The following KCNIP1 variants were observed in gnomAD, a reference collection of about 807,000 sequenced individuals.
The protein encoded by KCNIP1 is A-type potassium channel modulatory protein KCNIP1.
In KCNIP1, 18 loss-of-function variants were observed where a neutral mutation model predicts 33.0. The observed-to-expected ratio is 0.55, with a 90% confidence interval of 0.38 to 0.81. The LOEUF is 0.81. Ranked by LOEUF, KCNIP1 falls within the 30% of genes least tolerant of loss-of-function variation. The pLI is 0.00. For missense variants in KCNIP1, 238 were observed against 271.6 expected (o/e 0.88, Z 0.87); for synonymous variants, 93 against 98.3 (o/e 0.95, Z 0.32).
chr5:170,618,508 G>GAGGAAGGA (rs377073410), intron 1 of KCNIP1, among the ~76,000 whole-genome samples: 2 of 95,788 alleles, frequency 2.1e-5, no homozygotes, highest in African/African-American at 4.6e-5. Flanking sequence ...GGGAGGAAAG[G>GAGGAAGGA]AGGAAGGAAG....
chr5:170,407,139 C>T (rs1755057271), intron 1 of KCNIP1, among the ~76,000 whole-genome samples: 2 of 152,194 alleles, frequency 1.3e-5, no homozygotes, highest in Non-Finnish European at 2.9e-5. Context: ...GGGCAGCAGC[C>T]CTTGCCTGTC....
chr5:170,430,972 C>G (rs2113446270), intron 1 of KCNIP1, among the ~76,000 whole-genome samples: 1 of 152,288 alleles, frequency 6.6e-6, no homozygotes, highest in East Asian at 1.9e-4. Context: ...GGATCTGGTC[C>G]CACTCGTAGG....
chr5:170,474,527 G>A (rs1209195099), intron 1 of KCNIP1, among the ~76,000 whole-genome samples: 1 of 152,224 alleles, frequency 6.6e-6, no homozygotes, highest in East Asian at 1.9e-4. Context: ...ATTGGTCTAT[G>A]AGAGAAGTCA....
chr5:170,718,947 T>C (rs1274564901), intron 2 of KCNIP1, 65 bp downstream of exon 2: 2 of 1,564,176 alleles, frequency 1.3e-6, no homozygotes, highest in Non-Finnish European at 1.7e-6. Context: ...CTCTCCCCAA[T>C]GCCAAGGGAG....
At chr5:170,367,429 AGAAAGAAAG>A (rs1245413900) in intron 1 of KCNIP1, among the ~76,000 whole-genome samples, 15 of 145,254 alleles carry the variant, frequency 1.0e-4, no homozygotes, top group East Asian at 2.0e-4. Context: ...AAGGAAAGAA[AGAAAGAAAG>A]GAAAGAAAGG....
intron 1 of KCNIP1, among the ~76,000 whole-genome samples, chr5:170,497,834 C>T (rs1303462205): frequency 1.3e-5 from 2 of 152,224 alleles, no homozygotes; most frequent in Non-Finnish European, 2.9e-5. Context: ...CGCCAGTGTC[C>T]CAGCTGCGTG....
At chr5:170,549,124 A>G (rs576504540) in intron 1 of KCNIP1, among the ~76,000 whole-genome samples, 1 of 152,114 alleles carries the variant, frequency 6.6e-6, no homozygotes, top group South Asian at 2.1e-4. Context: ...ATAAGAAGCT[A>G]TATTTACTCT....
intron 1 of KCNIP1, among the ~76,000 whole-genome samples, chr5:170,464,791 C>A (rs1050638091): frequency 6.6e-5 from 10 of 152,188 alleles, no homozygotes; most frequent in Non-Finnish European, 1.3e-4. Context: ...GCTTGGGAAT[C>A]ATGGAATTCT....
At chr5:170,520,615 T>G (rs1352073206) in intron 1 of KCNIP1, among the ~76,000 whole-genome samples, 1 of 152,106 alleles carries the variant, frequency 6.6e-6, no homozygotes, top group African/African-American at 2.4e-5. Context: ...ATAAACCAAC[T>G]TGAGAGACAG....
At chr5:170,542,068 G>T (rs1038817709) in intron 1 of KCNIP1, among the ~76,000 whole-genome samples, 1 of 152,054 alleles carries the variant, frequency 6.6e-6, no homozygotes, top group African/African-American at 2.4e-5. Flanking sequence ...TTGCACCCGG[G>T]CTCCTAGCCA....
intron 5 of KCNIP1, among the ~76,000 whole-genome samples, chr5:170,728,479 T>G (rs545999322): frequency 6.6e-6 from 1 of 152,314 alleles, no homozygotes; most frequent in South Asian, 2.1e-4. Flanking sequence ...TTTAAAAAGC[T>G]GGCAAAGTGA....
At chr5:170,718,431 A>G (rs1207106447) in intron 1 of KCNIP1, among the ~76,000 whole-genome samples, 2 of 152,244 alleles carry the variant, frequency 1.3e-5, no homozygotes, top group African/African-American at 4.8e-5. Context: ...AGAAGGTTCC[A>G]TGGGAAACAA....
intron 1 of KCNIP1, among the ~76,000 whole-genome samples, chr5:170,548,871 C>A (rs906689384): frequency 3.3e-5 from 5 of 152,214 alleles, no homozygotes; most frequent in African/African-American, 1.2e-4. Context: ...TATTCACTAG[C>A]ACCCTGCTTT....
At chr5:170,380,455 C>T (rs1241969272) in intron 1 of KCNIP1, among the ~76,000 whole-genome samples, 2 of 152,232 alleles carry the variant, frequency 1.3e-5, no homozygotes, top group African/African-American at 2.4e-5. Flanking sequence ...TTGCAGGCCT[C>T]GGCCACTCCC....
At chr5:170,712,839 C>G (rs764847728) in intron 1 of KCNIP1, 1 of 1,613,544 alleles carries the variant, frequency 6.2e-7, no homozygotes, top group South Asian at 1.1e-5. Context: ...AAAATGTTTT[C>G]TCACTCTTTC....
intron 1 of KCNIP1, among the ~76,000 whole-genome samples, chr5:170,511,413 C>T (rs1754926532): frequency 6.6e-6 from 1 of 152,184 alleles, no homozygotes; most frequent in Admixed American, 6.5e-5. Context: ...CCTTGGTAAT[C>T]TCCCCATCCC....
intron 1 of KCNIP1, among the ~76,000 whole-genome samples, chr5:170,713,700 G>A (rs939907359): frequency 2.4e-4 from 36 of 152,266 alleles, no homozygotes; most frequent in African/African-American, 8.7e-4. Flanking sequence ...CCACACTCAA[G>A]CCGAGGATCA....
chr5:170,512,777 C>T (rs530365772), intron 1 of KCNIP1, among the ~76,000 whole-genome samples: 2 of 151,710 alleles, frequency 1.3e-5, no homozygotes, highest in South Asian at 2.1e-4. Flanking sequence ...CGGCCAGGCG[C>T]GGTGGCTCAC....
At chr5:170,490,513 A>C (rs1757184152) in intron 1 of KCNIP1, among the ~76,000 whole-genome samples, 1 of 152,182 alleles carries the variant, frequency 6.6e-6, no homozygotes, top group Non-Finnish European at 1.5e-5. Context: ...GGTTAGATCC[A>C]AGCAAGGTGT....
Sources: allele counts gnomAD v4.1 joint callset (sites outside exome capture counted in the v4.1 genomes callset), GRCh38; gene constraint gnomAD v4.1.1; transcripts MANE v1.5; gene names NCBI Gene and HGNC (gene_info 2026-07-23, HGNC 2026-07-21).